Variants in CCDC141 observed in about 807,000 individuals in gnomAD.
The protein encoded by CCDC141 is coiled-coil domain-containing protein 141.
In CCDC141, 168 loss-of-function variants were observed where a neutral mutation model predicts 181.0. The observed-to-expected ratio is 0.93, with a 90% CI of 0.82 to 1.05. The LOEUF (loss-of-function observed/expected upper bound fraction) is 1.05, where lower values mean the gene tolerates loss of function less well. Ranked by LOEUF, CCDC141 falls within the 50% of genes least tolerant of loss-of-function variation. The pLI, the probability that CCDC141 is intolerant of heterozygous loss-of-function variation, is 0.00. For synonymous variants in CCDC141, 666 were observed against 642.3 expected, an observed-to-expected ratio of 1.04 and a Z score of -0.56; for missense variants, 1,902 against 1,788.5, an observed-to-expected ratio of 1.06 and a Z score of -1.14.
In CCDC141 at chr2:178,837,716, C is replaced by G; in HGVS notation, c.3503G>C (p.Gly1168Ala). Reference sequence around the variant, plus strand: ...TCGCTCTTCCCCTGTTCCATTGATGCCCAAAAGATCTGCCACCTGCACCTG... The same window carrying G: ...TCGCTCTTCCCCTGTTCCATTGATGGCCAAAAGATCTGCCACCTGCACCTG... The part of the protein sequence containing the change: ...KGQVQVADLL[G>A]INGTGEERLP... The change falls in exon 23 of 24, where the codon GGC becomes GCC. Residue 1168 changes from glycine (G) to alanine (A), a missense_variant. Transcript: ENST00000443758. 2 of 1,612,120 alleles carry G rather than the reference C, an allele frequency of 1.2e-6. No homozygotes were observed. Among genetic ancestry groups the G allele is most frequent in the Non-Finnish European group, 1.7e-6 (2 of 1,179,074 alleles).
At position 179,027,976 on chromosome 2, in the gene CCDC141, C is replaced by T. The variant is rs111720176; in HGVS notation, c.225+19308G>A. On this transcript the variant is annotated intron_variant, in intron 2 of 23. Coordinates refer to ENST00000443758, the MANE Select transcript of CCDC141 (RefSeq NM_173648.4). ...GCTCCCACTTATAGGTGAGAACATG[C>T]AAGATAAGATTGTTCATTTTCACCT... Among the ~76,000 whole-genome samples the T allele has an allele frequency of 8.1e-3, 1,226 of 152,262 alleles. 18 individuals carry two copies. Among genetic ancestry groups the T allele is most frequent in the African/African-American group, 0.027 (1,128 of 41,556 alleles).
At chr2:179,042,217 C>T (rs2043328723) in intron 2 of CCDC141, among the ~76,000 whole-genome samples, 1 of 152,200 alleles carries the variant, frequency 6.6e-6, no homozygotes, top group Non-Finnish European at 1.5e-5. Flanking sequence ...AACAGTCTCT[C>T]AGACAATAGC....
At chr2:178,825,571 A>T (rs1428956286), downstream of CCDC141, 1 of 151,586 alleles carries the variant, frequency 6.6e-6, no homozygotes, top group Non-Finnish European at 1.5e-5. Flanking sequence ...CATTCTGTTG[A>T]GCATCATCTT....
intron 2 of CCDC141, chr2:179,001,611 T>C (rs1341146979): frequency 6.6e-6 from 1 of 152,208 alleles, no homozygotes; most frequent in Non-Finnish European, 1.5e-5. Context: ...GCAAAGCATC[T>C]GGAAATCAGA....
chr2:179,017,274 A>G (rs1175532363), intron 2 of CCDC141, among the ~76,000 whole-genome samples: 1 of 152,136 alleles, frequency 6.6e-6, no homozygotes, highest in Non-Finnish European at 1.5e-5. Context: ...TTTGATAGAG[A>G]CACCTGTGTT....
At chr2:178,904,160 C>T (rs928777520) in intron 8 of CCDC141, among the ~76,000 whole-genome samples, 4 of 152,170 alleles carry the variant, frequency 2.6e-5, no homozygotes, top group African/African-American at 4.8e-5. Flanking sequence ...CCCCTATTAC[C>T]TAATGCACAG....
chr2:178,964,830 CTG>C (rs1690554577), intron 4 of CCDC141, among the ~76,000 whole-genome samples: 1 of 152,154 alleles, frequency 6.6e-6, no homozygotes, highest in African/African-American at 2.4e-5. Context: ...ATTTTAAAGA[CTG>C]TATATCAGCA....
At chr2:178,846,251 G>A (rs186298233) in intron 21 of CCDC141, among the ~76,000 whole-genome samples, 4 of 152,322 alleles carry the variant, frequency 2.6e-5, no homozygotes, top group Non-Finnish European at 1.5e-5. Flanking sequence ...GATGCTTCAT[G>A]TGGTTGAAGA....
intron 2 of CCDC141, among the ~76,000 whole-genome samples, chr2:179,038,579 G>A (rs887200983): frequency 2.0e-5 from 3 of 152,066 alleles, no homozygotes; most frequent in Non-Finnish European, 1.5e-5. Context: ...TATTTCAGAC[G>A]AACACCAGAA....
At chr2:178,984,612 T>G (rs1489407025) in intron 2 of CCDC141, among the ~76,000 whole-genome samples, 2 of 148,826 alleles carry the variant, frequency 1.3e-5, no homozygotes, top group South Asian at 2.2e-4. Flanking sequence ...AATAAAAGGA[T>G]GGAGGAAGAT....
At position 178,948,349 on chromosome 2, in the gene CCDC141, T is replaced by A. The variant is rs565782013; in HGVS notation, c.781-3698A>T. Among the ~76,000 whole-genome samples the A allele has an allele frequency of 3.3e-5, 5 of 152,310 alleles. No homozygotes were observed. The South Asian group carries it at 1.0e-3, about 32-fold the overall frequency. On this transcript the variant is annotated intron_variant, in intron 5 of 23. Coordinates refer to ENST00000443758, the MANE Select transcript of CCDC141 (RefSeq NM_173648.4). Reference sequence around the variant, plus strand: ...CTTTTAAAATGTGGCTACTAGAAAATTTAAAATCACATCAGTAGGTTGCAT... The same window carrying A: ...CTTTTAAAATGTGGCTACTAGAAAAATTAAAATCACATCAGTAGGTTGCAT...
intron 5 of CCDC141, 62 bp downstream of exon 5, chr2:178,961,168 T>C: frequency 1.3e-6 from 2 of 1,514,990 alleles, no homozygotes; most frequent in Non-Finnish European, 1.8e-6. Flanking sequence ...CAGGGAATGG[T>C]TAATCCATAT....
At chr2:178,890,575 T>C (rs74845404) in intron 8 of CCDC141, among the ~76,000 whole-genome samples, 5,104 of 152,224 alleles carry the variant, frequency 0.034, 93 homozygotes, top group African/African-American at 0.047. Flanking sequence ...AGCCATGATG[T>C]CTCAGGTACC....
chr2:178,985,048 T>C (rs1691656249), intron 2 of CCDC141, among the ~76,000 whole-genome samples: 1 of 151,390 alleles, frequency 6.6e-6, no homozygotes, highest in South Asian at 2.1e-4. Flanking sequence ...TATTCCAAAA[T>C]TGACCACATA....
chr2:178,879,864 G>T (rs1292825826), intron 11 of CCDC141, among the ~76,000 whole-genome samples: 3 of 152,222 alleles, frequency 2.0e-5, no homozygotes, highest in Admixed American at 6.5e-5. Flanking sequence ...GACACTCGCT[G>T]ATTCAGAGGA....
At chr2:179,013,343 T>C (rs946734051) in intron 2 of CCDC141, among the ~76,000 whole-genome samples, 13 of 151,946 alleles carry the variant, frequency 8.6e-5, no homozygotes, top group African/African-American at 3.1e-4. Context: ...GAGAATCAAA[T>C]CAAGAACTAA....
chr2:178,981,307 C>G (rs1276823384), intron 2 of CCDC141, among the ~76,000 whole-genome samples: 1 of 151,926 alleles, frequency 6.6e-6, no homozygotes, highest in Non-Finnish European at 1.5e-5. Flanking sequence ...TCCTCTCAAG[C>G]TTACATGGAA....
At chr2:178,886,724 C>T in intron 10 of CCDC141, 28 bp downstream of exon 10, 1 of 1,299,618 alleles carries the variant, frequency 7.7e-7, no homozygotes, top group Non-Finnish European at 1.0e-6. Flanking sequence ...AAAATTATAG[C>T]CATAATAATC....
chr2:178,870,566 GAGAGTTTTATA>G (rs1161337169), intron 14 of CCDC141, among the ~76,000 whole-genome samples: 2 of 152,180 alleles, frequency 1.3e-5, no homozygotes, highest in African/African-American at 4.8e-5. Flanking sequence ...CACATTTGCT[GAGAGTTTTATA>G]AGAGTTTGCT....
Sources: allele counts gnomAD v4.1 joint callset (sites outside exome capture counted in the v4.1 genomes callset), GRCh38; gene constraint gnomAD v4.1.1; transcripts MANE v1.5; gene names NCBI Gene and HGNC (gene_info 2026-07-23, HGNC 2026-07-21).